NPY1R: variants seen among roughly 807,000 people sequenced by gnomAD.
The protein encoded by NPY1R is neuropeptide Y receptor type 1.
Under a neutral mutation model 24.1 loss-of-function variants are expected in NPY1R, and 10 were observed. The ratio of observed to expected loss-of-function variants is 0.42; its 90% confidence interval spans 0.26 to 0.71. The LOEUF (loss-of-function observed/expected upper bound fraction) is 0.71. Ranked by LOEUF, NPY1R falls within the 30% of genes least tolerant of loss-of-function variation. NPY1R has a pLI of 0.28. For missense variants in NPY1R, 350 were observed against 458.0 expected, an observed-to-expected ratio of 0.76 and a Z score of 2.15; for synonymous variants, 168 against 165.9, an observed-to-expected ratio of 1.01 and a Z score of -0.10.
chr4:163,325,954 G>T lies in NPY1R; in HGVS notation c.601C>A (p.Gln201Lys), dbSNP rs760625911. ...AACCTATGAGAGTCCGATGGAAATT[G>T]ATCAAAGCACACGTATTTGTCTTTG... ...AYKDKYVCFD[Q>K]FPSDSHRLSY... is the part of the protein sequence containing the mutation. Residue 201 changes from glutamine to lysine, a missense_variant, in exon 2 of 3, where the codon CAA becomes AAA. Coordinates refer to ENST00000296533, the MANE Select transcript of NPY1R (RefSeq NM_000909.6). The T allele has an allele frequency of 1.9e-6, 3 of 1,614,030 alleles. No homozygotes were observed. The South Asian group carries it at 3.3e-5, about 18-fold the overall frequency.
At chr4:163,342,954 TCC>T (rs1735031721) in intron 1 of NPY1R, among the ~76,000 whole-genome samples, 1 of 133,050 alleles carries the variant, frequency 7.5e-6, no homozygotes, top group Non-Finnish European at 1.5e-5. Flanking sequence ...CTCCCTTCTC[TCC>T]TTCTCTCTCT....
chr4:163,332,278 C>T lies in NPY1R; in HGVS notation c.-152+204G>A, dbSNP rs570385254. 2.3e-3 allele frequency among the ~76,000 whole-genome samples: 348 copies of T among 152,242 alleles called. 1 individual carries two copies. Among genetic ancestry groups the T allele is most frequent in the Non-Finnish European group, 2.9e-3 (197 of 68,024 alleles). ...GTAGGGTACCCTCTCCTTTCACCCGCGTCGTCCCCATACCCTTCGGCAGGA... is the reference window on the plus strand; with the variant it reads ...GTAGGGTACCCTCTCCTTTCACCCGTGTCGTCCCCATACCCTTCGGCAGGA... On this transcript the variant is annotated intron_variant, in intron 1 of 2. Coordinates refer to ENST00000296533, the MANE Select transcript of NPY1R (RefSeq NM_000909.6).
chr4:163,336,005 GA>G (rs559843108), upstream of NPY1R, among the ~76,000 whole-genome samples: 138 of 152,174 alleles, frequency 9.1e-4, no homozygotes, highest in Non-Finnish European at 1.4e-3. Flanking sequence ...TTAACTAGCA[GA>G]AAAAAAGTGA....
At chr4:163,339,274 G>A (rs1343809776) in intron 1 of NPY1R, among the ~76,000 whole-genome samples, 1 of 152,088 alleles carries the variant, frequency 6.6e-6, no homozygotes, top group Non-Finnish European at 1.5e-5. Flanking sequence ...CCATCTGCCT[G>A]TTTAACTCTT....
At chr4:163,337,698 A>T (rs1734875084), upstream of NPY1R, among the ~76,000 whole-genome samples, 1 of 152,228 alleles carries the variant, frequency 6.6e-6, no homozygotes, top group Non-Finnish European at 1.5e-5. Context: ...ATTAAACAAC[A>T]ATAAAATAAC....
intron 1 of NPY1R, among the ~76,000 whole-genome samples, chr4:163,339,170 C>T (rs1028043832): frequency 2.0e-5 from 3 of 152,308 alleles, no homozygotes; most frequent in Non-Finnish European, 4.4e-5. Context: ...CTACCCTATA[C>T]ACTGCAGTCA....
rs562145192 is a variant in NPY1R at position 163,328,797 on chromosome 4, A to C, written c.-151-2092T>G. Reference sequence around the variant, plus strand: ...GTTCTCTCTCTCCCACCACCAATCCAAACTCTACCCATCTTTCAAAGCACC... The same window carrying C: ...GTTCTCTCTCTCCCACCACCAATCCCAACTCTACCCATCTTTCAAAGCACC... On this transcript the variant is annotated intron_variant, in intron 1 of 2. Coordinates refer to ENST00000296533, the MANE Select transcript of NPY1R (RefSeq NM_000909.6). Among the ~76,000 whole-genome samples, 42 of 152,266 alleles carry C rather than the reference A, an allele frequency of 2.8e-4. No individual in the cohort carries two copies. The South Asian group carries it at 7.3e-3, about 26-fold the overall frequency.
chr4:163,334,270 A>G (rs1211317173), upstream of NPY1R, among the ~76,000 whole-genome samples: 1 of 152,238 alleles, frequency 6.6e-6, no homozygotes, highest in East Asian at 1.9e-4. Flanking sequence ...ATTTTTATGT[A>G]GAAACTATTA....
At chr4:163,330,136 CAG>C (rs1734695254) in intron 1 of NPY1R, among the ~76,000 whole-genome samples, 1 of 152,124 alleles carries the variant, frequency 6.6e-6, no homozygotes, top group Non-Finnish European at 1.5e-5. Flanking sequence ...GAAAAAGAAA[CAG>C]AAATATTCTA....
upstream of NPY1R, among the ~76,000 whole-genome samples, chr4:163,337,106 A>G (rs926493390): frequency 1.3e-5 from 2 of 152,096 alleles, no homozygotes; most frequent in Admixed American, 6.5e-5. Flanking sequence ...TCCTTTGTTT[A>G]AGGTCTAGCT....
Position 163,325,248 on chromosome 4 carries a change from A to T in NPY1R, c.*55T>A. On this transcript the variant is annotated 3_prime_UTR_variant, in exon 3 of 3. Coordinates refer to ENST00000296533, the MANE Select transcript of NPY1R (RefSeq NM_000909.6). ...AGAACAGGTAATCAAAGTATGTTGCAGGTTGTGCTTGTTTTTAAACAGATG... is the reference window on the plus strand; with the variant it reads ...AGAACAGGTAATCAAAGTATGTTGCTGGTTGTGCTTGTTTTTAAACAGATG... 1.7e-6 allele frequency: 2 copies of T among 1,195,614 alleles called. No homozygotes were observed. Among genetic ancestry groups the T allele is most frequent in the Non-Finnish European group, 2.4e-6 (2 of 832,918 alleles). 74.1% of individuals were successfully genotyped at this position (1,195,614 alleles called of 1,614,324 possible). A position where few individuals can be genotyped will look rare whatever the true frequency, so the allele number is the denominator to read the frequency against.
chr4:163,342,423 A>G (rs1442566121), intron 1 of NPY1R, among the ~76,000 whole-genome samples: 1 of 152,202 alleles, frequency 6.6e-6, no homozygotes, highest in Non-Finnish European at 1.5e-5. Flanking sequence ...TGGAGTTAAG[A>G]AAGTCTAAAA....
rs1734613636 is a variant in NPY1R at position 163,326,529 on chromosome 4, A to G, written c.26T>C (p.Val9Ala). 2 of 1,601,602 alleles carry G rather than the reference A, an allele frequency of 1.2e-6. No homozygotes were observed. The highest frequency in any genetic ancestry group is 8.5e-7 in the Non-Finnish European group (1 of 1,174,578). Reference protein sequence around the residue: MNSTLFSQVENHSVHSNFS... With the variant: MNSTLFSQAENHSVHSNFS... ...ATTAGAGTGGACTGAATGATTTTCA[A>G]CCTGGGAAAATAATGTTGAATTCAT... The change falls in exon 2 of 3, where the codon GTT becomes GCT. Residue 9 changes from valine (V) to alanine (A), a missense_variant. Physicochemically the swap from Val to Ala is moderately conservative, Grantham distance 64. Coordinates refer to ENST00000296533, the MANE Select transcript of NPY1R (RefSeq NM_000909.6).
chr4:163,336,853 C>G (rs575006927), upstream of NPY1R, among the ~76,000 whole-genome samples: 1 of 152,156 alleles, frequency 6.6e-6, no homozygotes, highest in South Asian at 2.1e-4. Context: ...TCCAGCTACT[C>G]GGGAGGCTGA....
chr4:163,335,564 G>T (rs1734822104), upstream of NPY1R, among the ~76,000 whole-genome samples: 1 of 152,126 alleles, frequency 6.6e-6, no homozygotes, highest in African/African-American at 2.4e-5. Flanking sequence ...AAATTACCAT[G>T]AATTGTCACT....
chr4:163,334,397 C>A (rs1734793222), upstream of NPY1R, among the ~76,000 whole-genome samples: 1 of 152,156 alleles, frequency 6.6e-6, no homozygotes, highest in Admixed American at 6.5e-5. Flanking sequence ...ACTATTATGG[C>A]CATTGTATTT....
In NPY1R at chr4:163,325,952, T is replaced by C. The variant is rs1003991153; in HGVS notation, c.603A>G (p.Gln201=). ...AYKDKYVCFD[Q]FPSDSHRLSY... ...ACAACCTATGAGAGTCCGATGGAAATTGATCAAAGCACACGTATTTGTCTT... is the reference window on the plus strand; with the variant it reads ...ACAACCTATGAGAGTCCGATGGAAACTGATCAAAGCACACGTATTTGTCTT... Residue 201 remains glutamine, a synonymous_variant, in exon 2 of 3, where the codon CAA becomes CAG. Transcript: ENST00000296533. The C allele has an allele frequency of 4.3e-6, 7 of 1,613,992 alleles. No homozygotes were observed. The highest frequency in any genetic ancestry group is 5.9e-6 in the Non-Finnish European group (7 of 1,179,954).
chr4:163,344,464 C>T (rs1735126542), exon 1 of NPY1R: 1 of 152,146 alleles, frequency 6.6e-6, no homozygotes, highest in Non-Finnish European at 1.5e-5. Flanking sequence ...CAGCAGCCCG[C>T]GGGGTGCCCG....
chr4:163,342,576 A>G (rs905176016), intron 1 of NPY1R, among the ~76,000 whole-genome samples: 1 of 152,228 alleles, frequency 6.6e-6, no homozygotes, highest in Admixed American at 6.5e-5. Flanking sequence ...AATAACACAC[A>G]GAAGAATAAA....
Sources: allele counts gnomAD v4.1 joint callset (sites outside exome capture counted in the v4.1 genomes callset), GRCh38; gene constraint gnomAD v4.1.1; transcripts MANE v1.5; gene names NCBI Gene and HGNC (gene_info 2026-07-23, HGNC 2026-07-21).